PKHD1: variants seen among roughly 807,000 people sequenced by gnomAD.
PKHD1 encodes the protein PKHD1 ciliary IPT domain containing fibrocystin/polyductin, also known as fibrocystin.
A neutral mutation model predicts 412.0 loss-of-function variants in PKHD1; 291 were observed. The observed-to-expected ratio is 0.71, with a 90% CI of 0.64 to 0.78. The LOEUF (loss-of-function observed/expected upper bound fraction) is 0.78, where lower values mean the gene tolerates loss of function less well. PKHD1 is among the 30% of genes least tolerant of loss of function. PKHD1 has a pLI of 0.00. For missense variants in PKHD1, 4,825 were observed against 4,950.7 expected (o/e 0.97, Z 0.76); for synonymous variants, 1,777 against 1,821.5 (o/e 0.98, Z 0.62).
chr6:51,963,131 G>C (rs950101579), intron 35 of PKHD1, among the ~76,000 whole-genome samples: 1 of 151,998 alleles, frequency 6.6e-6, no homozygotes, highest in African/African-American at 2.4e-5. Flanking sequence ...CCTTAAAAAT[G>C]CTATATCCCC....
chr6:51,735,592 C>G (rs554387334), intron 60 of PKHD1, among the ~76,000 whole-genome samples: 1 of 152,138 alleles, frequency 6.6e-6, no homozygotes, highest in South Asian at 2.1e-4. Flanking sequence ...AAGGAGAAAA[C>G]TTGGATAGAG....
At chr6:51,767,475 C>A (rs1471507918) in intron 55 of PKHD1, among the ~76,000 whole-genome samples, 1 of 152,070 alleles carries the variant, frequency 6.6e-6, no homozygotes, top group Non-Finnish European at 1.5e-5. Flanking sequence ...GCTCCCCTCA[C>A]CCCACAACAG....
At chr6:51,625,621 C>T (rs1767129233) in intron 66 of PKHD1, among the ~76,000 whole-genome samples, 1 of 152,120 alleles carries the variant, frequency 6.6e-6, no homozygotes. Flanking sequence ...TATTAATAAG[C>T]CACCACATAA....
intron 60 of PKHD1, among the ~76,000 whole-genome samples, chr6:51,723,520 GGTAA>G (rs1782190272): frequency 6.6e-6 from 1 of 151,996 alleles, no homozygotes; most frequent in East Asian, 1.9e-4. Context: ...AACAATTCAT[GGTAA>G]GTAAAGTAAT....
intron 49 of PKHD1, among the ~76,000 whole-genome samples, chr6:51,853,153 C>G (rs888902765): frequency 6.6e-6 from 1 of 152,054 alleles, no homozygotes; most frequent in Non-Finnish European, 1.5e-5. Flanking sequence ...TTTTATTTTT[C>G]TTTTGCTTAT....
intron 54 of PKHD1, 38 bp downstream of exon 54, chr6:51,775,770 G>A (rs774532057): frequency 2.1e-6 from 2 of 932,582 alleles, no homozygotes; most frequent in East Asian, 2.4e-5. Context: ...ACACACACAT[G>A]CATTTTATTT....
At chr6:51,847,627 C>T in intron 50 of PKHD1, 148 bp downstream of exon 50, 1 of 709,860 alleles carries the variant, frequency 1.4e-6, no homozygotes, top group African/African-American at 1.7e-5. Flanking sequence ...CCCAGGCAAT[C>T]AGACTTCAGG....
chr6:51,985,677 C>T (rs1483743777), intron 35 of PKHD1, among the ~76,000 whole-genome samples: 1 of 151,940 alleles, frequency 6.6e-6, no homozygotes, highest in Non-Finnish European at 1.5e-5. Flanking sequence ...TGCAGTGAGC[C>T]GAGATCGTGG....
Position 51,744,466 on chromosome 6 carries a change from C to G in PKHD1, c.10075G>C (p.Gly3359Arg), listed in dbSNP as rs747753565. The change falls in exon 60 of 67, where the codon GGG (glycine) becomes CGG (arginine). Residue 3359 changes from glycine (G) to arginine (R), a missense_variant. Transcript: ENST00000371117. ...PRKYLFKDLDGRALGLPPPVS... is the reference protein window; with the variant it reads ...PRKYLFKDLDRRALGLPPPVS... The stretch of plus-strand genomic sequence containing the variant: ...GGTGGAGGCAGACCCAGGGCTCTCC[C>G]ATCCAGATCCTTGAAGAGATATTTT... The G allele has an allele frequency of 1.2e-6, 2 of 1,612,748 alleles. No homozygotes were observed. The highest frequency in any genetic ancestry group is 2.2e-5 in the South Asian group (2 of 91,060).
At chr6:51,642,396 T>C (rs1286010695) in intron 63 of PKHD1, among the ~76,000 whole-genome samples, 1 of 152,058 alleles carries the variant, frequency 6.6e-6, no homozygotes, top group Non-Finnish European at 1.5e-5. Flanking sequence ...GTGTAAAGTA[T>C]GGAATATGAG....
intron 55 of PKHD1, among the ~76,000 whole-genome samples, chr6:51,758,014 A>AAGAG (rs10534219): frequency 0.16 from 20,085 of 125,634 alleles, 1,931 homozygotes; most frequent in Middle Eastern, 0.22. Context: ...ACCCTGCCAA[A>AAGAG]AGAGAGAGAG....
intron 60 of PKHD1, among the ~76,000 whole-genome samples, chr6:51,676,386 A>G (rs368027734): frequency 2.0e-5 from 3 of 152,214 alleles, no homozygotes; most frequent in African/African-American, 7.2e-5. Flanking sequence ...AAAAATTTAT[A>G]TGTTTAAAAT....
At chr6:51,693,849 G>T (rs1394522295) in intron 60 of PKHD1, among the ~76,000 whole-genome samples, 1 of 152,174 alleles carries the variant, frequency 6.6e-6, no homozygotes, top group South Asian at 2.1e-4. Context: ...ACAATAAAAA[G>T]GTATTACTAT....
At chr6:51,749,644 G>A (rs1785760556) in intron 57 of PKHD1, among the ~76,000 whole-genome samples, 1 of 152,048 alleles carries the variant, frequency 6.6e-6, no homozygotes, top group African/African-American at 2.4e-5. Context: ...CTATGAGGTA[G>A]GTACAATTAT....
chr6:51,783,623 A>C (rs1792393266), intron 53 of PKHD1, among the ~76,000 whole-genome samples: 1 of 152,042 alleles, frequency 6.6e-6, no homozygotes, highest in South Asian at 2.1e-4. Flanking sequence ...ACAATGTCTC[A>C]TATAAGAGGA....
At chr6:51,925,439 GTGTGTGTGTGTGTGTA>G (rs1486476777) in intron 37 of PKHD1, among the ~76,000 whole-genome samples, 1 of 81,712 alleles carries the variant, frequency 1.2e-5, no homozygotes. Flanking sequence ...ATTGTTCTTC[GTGTGTGTGTGTGTGTA>G]TGTGTGTGTG....
At chr6:51,852,818 G>C (rs1772551750) in intron 49 of PKHD1, among the ~76,000 whole-genome samples, 1 of 151,568 alleles carries the variant, frequency 6.6e-6, no homozygotes, top group Non-Finnish European at 1.5e-5. Flanking sequence ...ACATAAGATG[G>C]GTCTCCTGAA....
chr6:51,945,914 C>T (rs1293686544), intron 36 of PKHD1, among the ~76,000 whole-genome samples: 4 of 152,178 alleles, frequency 2.6e-5, no homozygotes, highest in Non-Finnish European at 4.4e-5. Context: ...GGGTTGTTCT[C>T]ATAGTTACAT....
At chr6:52,076,410 G>C (rs973741065) in intron 5 of PKHD1, 77 bp from the exon 6 acceptor site, 9 of 1,034,698 alleles carry the variant, frequency 8.7e-6, no homozygotes, top group Non-Finnish European at 1.4e-5. Flanking sequence ...CCTTTCCTCA[G>C]ACAGCATTAC....
Sources: allele counts gnomAD v4.1 joint callset (sites outside exome capture counted in the v4.1 genomes callset), GRCh38; gene constraint gnomAD v4.1.1; transcripts MANE v1.5; gene names NCBI Gene and HGNC (gene_info 2026-07-23, HGNC 2026-07-21).